ZNF66: variants seen among roughly 807,000 people sequenced by gnomAD.
The protein encoded by ZNF66 is zinc finger protein 66.
In ZNF66, 32 loss-of-function variants were observed where a neutral mutation model predicts 35.2. The ratio of observed to expected loss-of-function variants is 0.91; its 90% CI spans 0.69 to 1.22. ZNF66 has a LOEUF of 1.22. Ranked by LOEUF, ZNF66 falls within the 50% of genes most tolerant of loss-of-function variation. ZNF66 has a pLI of 0.00. For synonymous variants in ZNF66, 231 were observed against 181.3 expected (o/e 1.27, Z -2.20); for missense variants, 666 against 543.1 (o/e 1.23, Z -2.25).
intron 1 of ZNF66, among the ~76,000 whole-genome samples, chr19:20,786,061 C>CTA (rs1215079079): frequency 1.3e-5 from 2 of 152,144 alleles, no homozygotes; most frequent in Non-Finnish European, 2.9e-5. Context: ...AGTCACTACT[C>CTA]CCAGCCCAAT....
chr19:20,797,189 ATTTTTTTTTTTTTTTTTTTT>A (rs142052913), intron 3 of ZNF66, among the ~76,000 whole-genome samples: 36 of 45,440 alleles, frequency 7.9e-4, no homozygotes, highest in South Asian at 1.1e-3. Flanking sequence ...TGCATGCTAG[ATTTTTTTTTTTTTTTTTTTT>A]TTTTTTTTTT....
At chr19:20,792,215 A>G (rs1456932789) in intron 1 of ZNF66, among the ~76,000 whole-genome samples, 1 of 147,590 alleles carries the variant, frequency 6.8e-6, no homozygotes, top group Non-Finnish European at 1.5e-5. Context: ...AACTCATTCC[A>G]TATGATGTAA....
At chr19:20,798,178 A>G (rs1040547470) in intron 3 of ZNF66, among the ~76,000 whole-genome samples, 1 of 152,108 alleles carries the variant, frequency 6.6e-6, no homozygotes, top group African/African-American at 2.4e-5. Flanking sequence ...CTTTCATGAG[A>G]GAAACATTTT....
At position 20,806,775 on chromosome 19, in the gene ZNF66, C is replaced by T. The variant is rs773530325; in HGVS notation, c.1175C>T (p.Thr392Ile). The T allele has an allele frequency of 7.6e-7, 1 of 1,323,524 alleles. No homozygotes were observed. The highest frequency in any genetic ancestry group is 1.1e-6 in the Non-Finnish European group (1 of 918,532). The allele number at this position is 1,323,524 out of a possible 1,614,324, so 82.0% of individuals were successfully genotyped here. Residue 392 changes from threonine (T) to isoleucine (I), a missense_variant, in exon 4 of 4, where the codon ACT (threonine) becomes ATT (isoleucine). By Grantham distance (89) the Thr-to-Ile change is moderately conservative (BLOSUM62 -1). Transcript: ENST00000344519. ...CSLTAHKIIH[T>I]GKKPYKCEEC... Reference sequence around the variant, plus strand: ...CTTACTGCACATAAGATAATTCATACTGGAAAGAAACCTTACAAATGTGAA... The same window carrying T: ...CTTACTGCACATAAGATAATTCATATTGGAAAGAAACCTTACAAATGTGAA...
Position 20,807,434 on chromosome 19 carries a change from G to T in ZNF66, c.*112G>T, listed in dbSNP as rs1275022896. ...AGCTATCAACTTTTACTAAATATGAGAATTTATGGAACACAAACACTACAA... is the reference window on the plus strand; with the variant it reads ...AGCTATCAACTTTTACTAAATATGATAATTTATGGAACACAAACACTACAA... On this transcript the variant is annotated 3_prime_UTR_variant, in exon 4 of 4. Coordinates refer to ENST00000344519, the MANE Select transcript of ZNF66 (RefSeq NM_001355197.2). 1.8e-6 allele frequency: 1 copy of T among 546,492 alleles called. No individual in the cohort carries two copies. Among genetic ancestry groups the T allele is most frequent in the African/African-American group, 1.9e-5 (1 of 52,688 alleles). The allele number at this position is 546,492 out of a possible 1,614,324, so 33.9% of individuals were successfully genotyped here.
At chr19:20,780,478 A>G (rs1452053223) in intron 1 of ZNF66, among the ~76,000 whole-genome samples, 2 of 152,128 alleles carry the variant, frequency 1.3e-5, no homozygotes, top group African/African-American at 4.8e-5. Context: ...AGGTTATGGG[A>G]CTAACAAGTT....
Position 20,807,043 on chromosome 19 carries a change from C to A in ZNF66, c.1443C>A (p.Tyr481Ter). 3.5e-6 allele frequency: 3 copies of A among 852,576 alleles called. No homozygotes were observed. In the East Asian group the frequency reaches 7.3e-5, roughly 21 times the overall value. 52.8% of individuals were successfully genotyped at this position (852,576 alleles called of 1,614,324 possible). A position where few individuals can be genotyped will look rare whatever the true frequency, so the allele number is the denominator to read the frequency against. ...AAATTCATACTGGAGAGAAGCCTTA[C>A]AAATGTGAAGAATGTGGCAAGGCCT... Reference protein sequence around the residue: ...HKKIHTGEKPYKCEECGKAFK... With the variant: ...HKKIHTGEKP The change falls in exon 4 of 4, where the codon TAC becomes TAA. Residue 481 changes from tyrosine (Y) to a stop codon, truncating the protein, a stop_gained. Coordinates refer to ENST00000344519, the MANE Select transcript of ZNF66 (RefSeq NM_001355197.2). LOFTEE classifies it high-confidence loss of function.
intron 1 of ZNF66, among the ~76,000 whole-genome samples, chr19:20,778,576 G>T (rs1971216652): frequency 6.6e-6 from 1 of 152,020 alleles, no homozygotes; most frequent in Non-Finnish European, 1.5e-5. Context: ...TTGAGGTCAG[G>T]AATTTGAGAC....
intron 2 of ZNF66, among the ~76,000 whole-genome samples, chr19:20,792,983 C>T (rs1344328837): frequency 6.6e-6 from 1 of 151,510 alleles, no homozygotes; most frequent in Non-Finnish European, 1.5e-5. Flanking sequence ...AGGAGAATCA[C>T]TTGAACTCAG....
chr19:20,795,354 GTTTC>G (rs1971381822), intron 3 of ZNF66, among the ~76,000 whole-genome samples: 1 of 147,978 alleles, frequency 6.8e-6, no homozygotes, highest in Non-Finnish European at 1.5e-5. Context: ...AACTGTGTGG[GTTTC>G]TTTTTTTCTT....
At position 20,776,463 on chromosome 19, in the gene ZNF66, G is replaced by A; in HGVS notation, c.3+13G>A. On this transcript the variant is annotated intron_variant, in intron 1 of 3. Transcript: ENST00000344519. ...AAGCCTAGAAATGGTGAGAGTGCCG[G>A]TCCAGCATCCCGAGAGAGGTGAAGT... 1 of 1,551,006 alleles carries A rather than the reference G, an allele frequency of 6.4e-7. No individual in the cohort carries two copies. Among genetic ancestry groups the A allele is most frequent in the Admixed American group, 1.7e-5 (1 of 59,652 alleles).
At chr19:20,803,307 CTGTCTT>C (rs770025917) in intron 3 of ZNF66, among the ~76,000 whole-genome samples, 14,004 of 129,076 alleles carry the variant, frequency 0.11, 663 homozygotes, top group Middle Eastern at 0.14. Flanking sequence ...TTTTCTCTTT[CTGTCTT>C]TTTTTTTTAT....
At chr19:20,793,327 C>CTTTTTT (rs879637768) in intron 2 of ZNF66, among the ~76,000 whole-genome samples, 3,582 of 74,104 alleles carry the variant, frequency 0.048, 479 homozygotes, top group Non-Finnish European at 0.068. Flanking sequence ...CTTTTCTTTT[C>CTTTTTT]TTTTCTTTTT....
intron 1 of ZNF66, among the ~76,000 whole-genome samples, chr19:20,788,806 A>T (rs1286131398): frequency 6.6e-6 from 1 of 152,054 alleles, no homozygotes; most frequent in Admixed American, 6.6e-5. Context: ...TAATCTCAGC[A>T]CTTTGGGGGT....
chr19:20,803,781 A>G (rs1325986585), intron 3 of ZNF66, among the ~76,000 whole-genome samples: 1 of 152,144 alleles, frequency 6.6e-6, no homozygotes, highest in Non-Finnish European at 1.5e-5. Context: ...TGCAGTGGCA[A>G]TATACATTCT....
At chr19:20,785,642 G>C (rs995434024) in intron 1 of ZNF66, among the ~76,000 whole-genome samples, 2 of 152,066 alleles carry the variant, frequency 1.3e-5, no homozygotes, top group Non-Finnish European at 2.9e-5. Flanking sequence ...TCACTTTCAA[G>C]TTTAATTTTA....
chr19:20,805,757 G>C (rs1043326823), intron 3 of ZNF66, 70 bp from the exon 4 acceptor site: 34 of 462,024 alleles, frequency 7.4e-5, no homozygotes, highest in Admixed American at 1.9e-4. Flanking sequence ...TAATTTTATA[G>C]GTTAGATTTG....
intron 3 of ZNF66, among the ~76,000 whole-genome samples, chr19:20,802,635 G>A (rs1971459588): frequency 6.6e-6 from 1 of 152,176 alleles, no homozygotes; most frequent in Admixed American, 6.5e-5. Flanking sequence ...TGCTGTATGA[G>A]CTATTGAGAA....
chr19:20,781,450 ATT>A (rs979414357), intron 1 of ZNF66, among the ~76,000 whole-genome samples: 2 of 151,472 alleles, frequency 1.3e-5, no homozygotes, highest in Admixed American at 1.3e-4. Flanking sequence ...TGTTCTTATT[ATT>A]TAGCTCTTAC....
Sources: gnomAD v4.1 joint callset for allele counts (sites outside exome capture counted in the v4.1 genomes callset) on GRCh38, gnomAD v4.1.1 for gene constraint, MANE v1.5 for transcripts, NCBI Gene and HGNC (gene_info 2026-07-23, HGNC 2026-07-21) for gene names.